GRIA4: variants seen among roughly 807,000 people sequenced by gnomAD.
GRIA4 encodes the protein glutamate ionotropic receptor AMPA type subunit 4, also known as glutamate receptor 4.
Under a neutral mutation model 104.0 loss-of-function variants are expected in GRIA4, and 34 were observed. That is an observed-to-expected ratio of 0.33 (90% CI 0.25 to 0.44). The LOEUF (loss-of-function observed/expected upper bound fraction) is 0.44, where lower values mean the gene tolerates loss of function less well. Among genes scored for constraint, GRIA4 ranks in the 20% least tolerant of loss-of-function variants. The pLI is 1.00. For missense variants in GRIA4, 750 were observed against 1,096.5 expected, an observed-to-expected ratio of 0.68 and a Z score of 4.46; for synonymous variants, 386 against 381.9, an observed-to-expected ratio of 1.01 and a Z score of -0.13.
intron 3 of GRIA4, among the ~76,000 whole-genome samples, chr11:105,615,097 C>T (rs1950568083): frequency 1.3e-5 from 2 of 151,688 alleles, no homozygotes; most frequent in African/African-American, 4.8e-5. Flanking sequence ...TCTACAGTGG[C>T]TCCTTGTAAA....
intron 3 of GRIA4, among the ~76,000 whole-genome samples, chr11:105,698,523 G>A (rs1953368089): frequency 6.6e-6 from 1 of 152,048 alleles, no homozygotes; most frequent in Admixed American, 6.6e-5. Context: ...CTGTTTCCCT[G>A]GTAACAATGA....
intron 4 of GRIA4, among the ~76,000 whole-genome samples, chr11:105,820,385 T>C (rs576487829): frequency 6.6e-6 from 1 of 152,248 alleles, no homozygotes; most frequent in African/African-American, 2.4e-5. Context: ...ACTCCAGCCG[T>C]GCTCTTCATA....
chr11:105,883,069 T>C (rs1946121930), intron 5 of GRIA4, among the ~76,000 whole-genome samples: 1 of 152,086 alleles, frequency 6.6e-6, no homozygotes, highest in Admixed American at 6.6e-5. Context: ...AACTCTCTGC[T>C]TCTTAAAAAA....
chr11:105,924,184 G>T (rs1947644463), intron 11 of GRIA4, among the ~76,000 whole-genome samples: 1 of 151,994 alleles, frequency 6.6e-6, no homozygotes, highest in Non-Finnish European at 1.5e-5. Flanking sequence ...CTAATTACTG[G>T]AACATATTAA....
intron 14 of GRIA4, among the ~76,000 whole-genome samples, chr11:105,946,913 C>T (rs1948329330): frequency 6.6e-6 from 1 of 152,154 alleles, no homozygotes; most frequent in South Asian, 2.1e-4. Flanking sequence ...TAATACAGGT[C>T]TACCATTTTG....
chr11:105,659,856 T>C (rs1951954120), intron 3 of GRIA4, among the ~76,000 whole-genome samples: 1 of 151,808 alleles, frequency 6.6e-6, no homozygotes, highest in African/African-American at 2.4e-5. Context: ...GAATAGAAGA[T>C]GCACTTAAAA....
At chr11:105,739,181 A>G (rs1369722541) in intron 3 of GRIA4, among the ~76,000 whole-genome samples, 1 of 152,154 alleles carries the variant, frequency 6.6e-6, no homozygotes, top group Non-Finnish European at 1.5e-5. Context: ...AGTATTGCAA[A>G]TAGCCTTCTG....
At chr11:105,947,047 T>C (rs960786099) in intron 14 of GRIA4, among the ~76,000 whole-genome samples, 16 of 152,176 alleles carry the variant, frequency 1.1e-4, no homozygotes, top group South Asian at 2.1e-4. Flanking sequence ...GCAGGAACAA[T>C]AGTGGCTATG....
At chr11:105,663,908 C>A (rs927490762) in intron 3 of GRIA4, among the ~76,000 whole-genome samples, 1 of 151,380 alleles carries the variant, frequency 6.6e-6, no homozygotes, top group Non-Finnish European at 1.5e-5. Context: ...TCTTTGTGAA[C>A]CCTCCATAGT....
At chr11:105,647,078 A>T (rs1951550848) in intron 3 of GRIA4, among the ~76,000 whole-genome samples, 2 of 152,240 alleles carry the variant, frequency 1.3e-5, no homozygotes, top group African/African-American at 2.4e-5. Flanking sequence ...AATATCTAGC[A>T]TCTGTAAGGA....
At chr11:105,865,741 AATTGAAC>A (rs1220286990) in intron 5 of GRIA4, among the ~76,000 whole-genome samples, 2 of 152,190 alleles carry the variant, frequency 1.3e-5, no homozygotes, top group Non-Finnish European at 2.9e-5. Flanking sequence ...TAACGTTATC[AATTGAAC>A]ATTGAAGTGT....
intron 3 of GRIA4, among the ~76,000 whole-genome samples, chr11:105,688,208 G>C (rs1352727339): frequency 7.0e-6 from 1 of 143,498 alleles, no homozygotes; most frequent in African/African-American, 2.6e-5. Flanking sequence ...ATGCTAACTG[G>C]CACATTTCAC....
chr11:105,623,814 C>T (rs570082080), intron 3 of GRIA4, among the ~76,000 whole-genome samples: 1 of 152,014 alleles, frequency 6.6e-6, no homozygotes, highest in South Asian at 2.1e-4. Flanking sequence ...ATTTGTTTAC[C>T]TATTTATCAT....
At position 105,888,675 on chromosome 11, in the gene GRIA4, T is replaced by A. The variant is rs865868599; in HGVS notation, c.726+1103T>A. Among the ~76,000 whole-genome samples, 93 of 152,178 alleles carry A rather than the reference T, an allele frequency of 6.1e-4. 2 individuals carry two copies. Among genetic ancestry groups the A allele is most frequent in the African/African-American group, 2.0e-3 (85 of 41,526 alleles). ...CTAAAGGATGCAAAAGAGATTCAGA[T>A]CTACCCATTCTTTCCGTATGGCAAG... is the stretch of plus-strand genomic sequence containing the variant. On this transcript the variant is annotated intron_variant, in intron 6 of 16. Coordinates refer to ENST00000282499, the MANE Select transcript of GRIA4 (RefSeq NM_000829.4).
intron 6 of GRIA4, among the ~76,000 whole-genome samples, chr11:105,888,529 G>A (rs558796380): frequency 1.2e-3 from 177 of 151,340 alleles, no homozygotes; most frequent in African/African-American, 4.1e-3. Context: ...CTCGTGATCC[G>A]CCCGCCTCGG....
At chr11:105,830,361 C>G (rs1283111773) in intron 4 of GRIA4, among the ~76,000 whole-genome samples, 1 of 152,008 alleles carries the variant, frequency 6.6e-6, no homozygotes, top group Non-Finnish European at 1.5e-5. Context: ...TTGTGCTGGA[C>G]TTGGATTTCA....
intron 3 of GRIA4, chr11:105,707,478 A>C (rs1953746171): frequency 6.6e-6 from 1 of 152,258 alleles, no homozygotes; most frequent in Non-Finnish European, 1.5e-5. Flanking sequence ...ATGAATGAAA[A>C]GAAAGAGTTA....
chr11:105,890,931 G>A (rs1427726149), intron 6 of GRIA4, among the ~76,000 whole-genome samples: 3 of 152,170 alleles, frequency 2.0e-5, no homozygotes, highest in Non-Finnish European at 4.4e-5. Context: ...GTGCATGTAT[G>A]TTTTATTAAA....
chr11:105,830,615 C>T, intron 4 of GRIA4, among the ~76,000 whole-genome samples: 1 of 151,982 alleles, frequency 6.6e-6, no homozygotes, highest in Non-Finnish European at 1.5e-5. Flanking sequence ...AGGTGGTCTA[C>T]TTATGAAATT....
Sources: allele counts gnomAD v4.1 joint callset (sites outside exome capture counted in the v4.1 genomes callset), GRCh38; gene constraint gnomAD v4.1.1; transcripts MANE v1.5; gene names NCBI Gene and HGNC (gene_info 2026-07-23, HGNC 2026-07-21).